CCND1: variants seen among roughly 807,000 people sequenced by gnomAD.
CCND1 encodes cyclin D1.
In CCND1, 9 loss-of-function variants were observed where a neutral mutation model predicts 26.1. The observed-to-expected ratio is 0.35, with a 90% CI of 0.21 to 0.60. CCND1 has a LOEUF of 0.60. CCND1 is among the 20% of genes least tolerant of loss of function. The pLI, the probability that CCND1 is intolerant of heterozygous loss-of-function variation, is 0.79. For missense variants in CCND1, 335 were observed against 392.9 expected, an observed-to-expected ratio of 0.85 and a Z score of 1.25; for synonymous variants, 194 against 166.1, an observed-to-expected ratio of 1.17 and a Z score of -1.29.
intron 1 of CCND1, among the ~76,000 whole-genome samples, chr11:69,642,295 G>C (rs1296645383): frequency 6.6e-6 from 1 of 152,198 alleles, no homozygotes; most frequent in East Asian, 1.9e-4. Context: ...GACCTTCTCC[G>C]AGCGAGCCGG....
At position 69,653,211 on chromosome 11, in the gene CCND1, G is replaced by A. The variant is rs191306538; in HGVS notation, c.*1929G>A. 5.3e-4 allele frequency: 367 copies of A among 694,932 alleles called. 3 individuals carry two copies. In the African/African-American group the frequency reaches 5.4e-3, roughly 10 times the overall value. 43.0% of individuals were successfully genotyped at this position (694,932 alleles called of 1,614,324 possible). On this transcript the variant is annotated 3_prime_UTR_variant, in exon 5 of 5. Transcript: ENST00000227507. ...GAGGGGAAGGGGCGGTGCCCACACC[G>A]GGGACAGGCCGCAGCTCCATTTTCT...
chr11:69,645,584 A>AC (rs1223239179), intron 3 of CCND1, among the ~76,000 whole-genome samples: 1 of 150,126 alleles, frequency 6.7e-6, no homozygotes, highest in Non-Finnish European at 1.5e-5. Context: ...CAGGGGACCC[A>AC]CCCCTGCAAA....
chr11:69,643,462 C>A (rs900749792), intron 2 of CCND1: 20 of 474,392 alleles, frequency 4.2e-5, no homozygotes, highest in Non-Finnish European at 7.2e-5. Flanking sequence ...GCGACTCCCA[C>A]CGCGTTCGCG....
At position 69,643,026 on chromosome 11, in the gene CCND1, C is replaced by A. The variant is rs758963834; in HGVS notation, c.199-5C>A. The A allele has an allele frequency of 1.9e-6, 3 of 1,575,096 alleles. No individual in the cohort carries two copies. The highest frequency in any genetic ancestry group is 4.7e-5 in the East Asian group (2 of 42,360). ...GCGGCGGTCACGGGCCCCGTGCCTC[C>A]GTAGGTCTGCGAGGAACAGAAGTGC... On this transcript the variant is annotated splice_polypyrimidine_tract_variant and splice_region_variant and intron_variant, in intron 1 of 4. Transcript: ENST00000227507.
chr11:69,645,181 G>C (rs574855391), intron 3 of CCND1, among the ~76,000 whole-genome samples: 3 of 152,084 alleles, frequency 2.0e-5, no homozygotes, highest in Non-Finnish European at 4.4e-5. Context: ...GGTCTGGGGT[G>C]GGGGGGCATG....
intron 2 of CCND1, 56 bp downstream of exon 2, chr11:69,643,302 G>A (rs746007547): frequency 1.1e-5 from 16 of 1,428,220 alleles, no homozygotes; most frequent in Non-Finnish European, 1.5e-5. Flanking sequence ...CAGGACCACG[G>A]GGCCGGGGAA....
intron 3 of CCND1, 91 bp from the exon 4 acceptor site, chr11:69,647,903 C>A (rs2120107849): frequency 6.7e-7 from 1 of 1,494,366 alleles, no homozygotes; most frequent in Non-Finnish European, 9.1e-7. Flanking sequence ...GGGCCGCTTG[C>A]TCAGAGCCAG....
Position 69,653,549 on chromosome 11 carries a change from T to C in CCND1, c.*2267T>C. The C allele has an allele frequency of 1.8e-6, 1 of 546,330 alleles. No homozygotes were observed. Among genetic ancestry groups the C allele is most frequent in the Non-Finnish European group, 3.2e-6 (1 of 312,198 alleles). The allele number at this position is 546,330 out of a possible 1,614,324, so 33.8% of individuals were successfully genotyped here. A position where few individuals can be genotyped will look rare whatever the true frequency, so the allele number is the denominator to read the frequency against. On this transcript the variant is annotated 3_prime_UTR_variant, in exon 5 of 5. Coordinates refer to ENST00000227507, the MANE Select transcript of CCND1 (RefSeq NM_053056.3). ...ACCCAGCGGGCAGGTTCTGCCTGCT[T>C]TGGCGGGCAGACACGCGGGCGCGAT...
rs963907104 is a variant in CCND1 at position 69,653,572 on chromosome 11, G to A, written c.*2290G>A. The A allele has an allele frequency of 1.1e-5, 6 of 532,552 alleles. No homozygotes were observed. The highest frequency in any genetic ancestry group is 3.9e-5 in the African/African-American group (2 of 50,714). 33.0% of individuals were successfully genotyped at this position (532,552 alleles called of 1,614,324 possible). On this transcript the variant is annotated 3_prime_UTR_variant, in exon 5 of 5. Transcript: ENST00000227507. Reference sequence around the variant, plus strand: ...CTTTGGCGGGCAGACACGCGGGCGCGATCCCACACAGGCTGGCGGGGGCCG... The same window carrying A: ...CTTTGGCGGGCAGACACGCGGGCGCAATCCCACACAGGCTGGCGGGGGCCG...
At chr11:69,642,535 G>GT (rs900109520) in intron 1 of CCND1, among the ~76,000 whole-genome samples, 21 of 152,274 alleles carry the variant, frequency 1.4e-4, no homozygotes, top group African/African-American at 3.6e-4. Flanking sequence ...CATTTTCAGG[G>GT]TTTTTTTATG....
chr11:69,644,293 A>C, intron 3 of CCND1: 1 of 419,866 alleles, frequency 2.4e-6, no homozygotes, highest in East Asian at 4.3e-5. Context: ...GCCTGTGGCC[A>C]CTCCATGCTG....
chr11:69,645,090 C>A (rs547894161), intron 3 of CCND1, among the ~76,000 whole-genome samples: 1 of 152,282 alleles, frequency 6.6e-6, no homozygotes, highest in South Asian at 2.1e-4. Context: ...CTGCTTGGGG[C>A]ATGAACCCCT....
In CCND1 at chr11:69,651,851, C is replaced by CA; in HGVS notation, c.*570dup. ...TAGGCATCTCTGTACTTTGCTTGCT[C>CA]ATATGCATGTAGTCACTTTATAAGT... is the stretch of plus-strand genomic sequence containing the variant. On this transcript the variant is annotated 3_prime_UTR_variant, in exon 5 of 5. Transcript: ENST00000227507. 1 of 233,242 alleles carries CA rather than the reference C, an allele frequency of 4.3e-6. No individual in the cohort carries two copies. Among genetic ancestry groups the CA allele is most frequent in the Non-Finnish European group, 8.5e-6 (1 of 118,032 alleles). 14.4% of individuals were successfully genotyped at this position (233,242 alleles called of 1,614,324 possible). A position where few individuals can be genotyped will look rare whatever the true frequency, so the allele number is the denominator to read the frequency against.
rs10640302 is a variant in CCND1 at position 69,652,779 on chromosome 11, TACACAC to T, written c.*1517_*1522del. On this transcript the variant is annotated 3_prime_UTR_variant, in exon 5 of 5. Transcript: ENST00000227507. ...TCTCCCCTTGATTTAAACACACAGA[TACACAC>T]ACACACACACACACACACAAACCTT... 5.5e-4 allele frequency: 126 copies of T among 227,346 alleles called. No individual in the cohort carries two copies. The highest frequency in any genetic ancestry group is 2.1e-4 in the Non-Finnish European group (24 of 115,486). The allele number at this position is 227,346 out of a possible 1,614,324, so 14.1% of individuals were successfully genotyped here.
chr11:69,654,022 G>C lies in CCND1; in HGVS notation c.*2740G>C, dbSNP rs1331006092. On this transcript the variant is annotated 3_prime_UTR_variant, in exon 5 of 5. Coordinates refer to ENST00000227507, the MANE Select transcript of CCND1 (RefSeq NM_053056.3). This position sits in a 1 kb window ranked among gnomAD's most constrained non-coding sequence, Gnocchi z 6.3. ...TGCCCCGGTCACCTAGCAAGCTGCC[G>C]AACCAAAAGAATTTGCACCCCGCTG... The C allele has an allele frequency of 5.0e-6, 3 of 598,650 alleles. No individual in the cohort carries two copies. Among genetic ancestry groups the C allele is most frequent in the East Asian group, 2.8e-5 (1 of 36,296 alleles). The allele number at this position is 598,650 out of a possible 1,614,324, so 37.1% of individuals were successfully genotyped here. A position where few individuals can be genotyped will look rare whatever the true frequency, so the allele number is the denominator to read the frequency against.
At chr11:69,643,786 G>C (rs532449688) in intron 2 of CCND1, 46 bp from the exon 3 acceptor site, 1 of 1,567,604 alleles carries the variant, frequency 6.4e-7, no homozygotes, top group South Asian at 1.2e-5. Context: ...CGCGCCCCCG[G>C]GCTGGCCCGC....
In CCND1 at chr11:69,653,419, G is replaced by GTTTT; in HGVS notation, c.*2148_*2151dup. The GTTTT allele has an allele frequency of 1.4e-4, 76 of 560,218 alleles. No homozygotes were observed. The highest frequency in any genetic ancestry group is 3.6e-4 in the South Asian group (17 of 46,946). The allele number at this position is 560,218 out of a possible 1,614,324, so 34.7% of individuals were successfully genotyped here. ...TTGTATTACAGATGCCTTTTTTGTA[G>GTTTT]TTTTTTTTTTTTTTATGTGATCAAT... On this transcript the variant is annotated 3_prime_UTR_variant, in exon 5 of 5. Transcript: ENST00000227507.
intron 4 of CCND1, 92 bp from the exon 5 acceptor site, chr11:69,651,026 C>T: frequency 7.8e-7 from 1 of 1,279,118 alleles, no homozygotes; most frequent in Non-Finnish European, 1.1e-6. Flanking sequence ...CTTATAAAGG[C>T]TTCCGGGTCA....
At chr11:69,643,744 G>A (rs1855742231) in intron 2 of CCND1, 88 bp from the exon 3 acceptor site, 2 of 1,309,002 alleles carry the variant, frequency 1.5e-6, no homozygotes, top group Non-Finnish European at 2.1e-6. Flanking sequence ...CGGAGGTGCG[G>A]CGTGGCCCGG....
Sources: allele counts gnomAD v4.1 joint callset (sites outside exome capture counted in the v4.1 genomes callset), GRCh38; gene constraint gnomAD v4.1.1; non-coding constraint Gnocchi (gnomAD v3.1); transcripts MANE v1.5; gene names NCBI Gene and HGNC (gene_info 2026-07-23, HGNC 2026-07-21).